ITGA7: variants seen among roughly 807,000 people sequenced by gnomAD.
The protein encoded by ITGA7 is integrin alpha-7.
In ITGA7, 84 loss-of-function variants were observed where a neutral mutation model predicts 131.6. That is an observed-to-expected ratio of 0.64 (90% confidence interval 0.54 to 0.77). The LOEUF is 0.77. ITGA7 is among the 30% of genes least tolerant of loss of function. ITGA7 has a pLI of 0.00. For synonymous variants in ITGA7, 548 were observed against 600.7 expected (o/e 0.91, Z 1.28); for missense variants, 1,399 against 1,482.9 (o/e 0.94, Z 0.93).
At chr12:55,695,192 A>G (rs1237895944) in intron 14 of ITGA7, 17 of 605,624 alleles carry the variant, frequency 2.8e-5, no homozygotes, top group Non-Finnish European at 4.7e-5. Flanking sequence ...TGGCCAAGTA[A>G]CTTAACCTCT....
In ITGA7 at chr12:55,685,271, C is replaced by A; in HGVS notation, c.3201G>T (p.Arg1067=). The A allele has an allele frequency of 1.2e-6, 2 of 1,614,152 alleles. No individual in the cohort carries two copies. Among genetic ancestry groups the A allele is most frequent in the Non-Finnish European group, 1.7e-6 (2 of 1,180,034 alleles). ...LLLWKMGFFK[R]AKHPEATVPQ... ...GCACGGTGGCCTCGGGGTGCTTCGCCCGTTTGAAGAATCCCATCTATAAGG... is the reference window on the plus strand; with the variant it reads ...GCACGGTGGCCTCGGGGTGCTTCGCACGTTTGAAGAATCCCATCTATAAGG... Residue 1067 remains arginine (R), a synonymous_variant, in exon 25 of 25, where the codon CGG becomes CGT. Transcript: ENST00000257879.
rs1565627790 is a variant in ITGA7, at chr12:55,697,286, GC to G, written c.1506-10del. 6.3e-7 allele frequency: 1 copy of G among 1,590,480 alleles called. No homozygotes were observed. The highest frequency in any genetic ancestry group is 8.6e-7 in the Non-Finnish European group (1 of 1,168,490). On this transcript the variant is annotated splice_polypyrimidine_tract_variant and intron_variant, in intron 10 of 24. Transcript: ENST00000257879. ...AGACCCTTAGGTCCACACTGCGGGG[GC>G]AAAGGTGGCTCCTGAGCCAAACGAG...
Position 55,685,174 on chromosome 12 carries a change from G to T in ITGA7, c.3298C>A (p.Leu1100Met), listed in dbSNP as rs750145019. 1 of 1,614,160 alleles carries T rather than the reference G, an allele frequency of 6.2e-7. No individual in the cohort carries two copies. The highest frequency in any genetic ancestry group is 1.7e-5 in the Admixed American group (1 of 60,032). ...QFKEEKTGTI[L>M]RNNWGSPRRE... ...CGGGGGCTGCCCCAGTTGTTCCTCA[G>T]GATGGTGCCCGTCTTCTCCTCCTTG... Residue 1100 changes from leucine to methionine, a missense_variant, in exon 25 of 25, where the codon CTG (leucine) becomes ATG (methionine). Coordinates refer to ENST00000257879, the MANE Select transcript of ITGA7 (RefSeq NM_002206.3).
At chr12:55,689,149 A>G (rs1469801520) in intron 21 of ITGA7, among the ~76,000 whole-genome samples, 192 bp from the exon 22 acceptor site, 1 of 152,226 alleles carries the variant, frequency 6.6e-6, no homozygotes, top group Non-Finnish European at 1.5e-5. Flanking sequence ...AGGGGGCAGC[A>G]TGGAAGGGAA....
chr12:55,712,175 T>TG, upstream of ITGA7: 1 of 1,551,384 alleles, frequency 6.4e-7, no homozygotes. Flanking sequence ...GGGAATTCAG[T>TG]GGGGAAACAG....
intron 22 of ITGA7, among the ~76,000 whole-genome samples, chr12:55,688,556 C>A (rs1280150332): frequency 6.6e-6 from 1 of 152,050 alleles, no homozygotes; most frequent in Non-Finnish European, 1.5e-5. Context: ...AAAACCCCGT[C>A]TCTATGAAAA....
chr12:55,698,994 C>T, intron 5 of ITGA7, 77 bp from the exon 6 acceptor site: 2 of 1,338,580 alleles, frequency 1.5e-6, no homozygotes, highest in South Asian at 2.5e-5. Context: ...TCCCCCAGCC[C>T]CTGCCCCCTC....
In ITGA7 at chr12:55,696,560, G is replaced by T. The variant is rs1872668755; in HGVS notation, c.1738-128C>A. The T allele has an allele frequency of 1.5e-5, 16 of 1,075,484 alleles. No homozygotes were observed. In the South Asian group the frequency reaches 2.2e-4, roughly 15 times the overall value. The allele number at this position is 1,075,484 out of a possible 1,614,324, so 66.6% of individuals were successfully genotyped here. A position where few individuals can be genotyped will look rare whatever the true frequency, so the allele number is the denominator to read the frequency against. ...TATTAGGGAGATGAATGAGAGAGGT[G>T]GAGAACTGAGCAAGGAGGAGGGAGA... On this transcript the variant is annotated intron_variant, in intron 12 of 24. Coordinates refer to ENST00000257879, the MANE Select transcript of ITGA7 (RefSeq NM_002206.3).
chr12:55,698,616 G>T (rs776874051), intron 6 of ITGA7, 40 bp from the exon 7 acceptor site: 1 of 1,612,692 alleles, frequency 6.2e-7, no homozygotes, highest in African/African-American at 1.3e-5. Flanking sequence ...GTCCTCCCTG[G>T]CCAGAGGAGC....
chr12:55,708,780 C>G (rs761404844), upstream of ITGA7, among the ~76,000 whole-genome samples: 1 of 152,158 alleles, frequency 6.6e-6, no homozygotes, highest in Non-Finnish European at 1.5e-5. Flanking sequence ...CTGCACATTT[C>G]CTATCCATGA....
intron 21 of ITGA7, among the ~76,000 whole-genome samples, chr12:55,692,566 T>C (rs980162207): frequency 6.6e-6 from 1 of 152,216 alleles, no homozygotes; most frequent in African/African-American, 2.4e-5. Flanking sequence ...CCATCACGTA[T>C]AAAATGTAAT....
At chr12:55,697,909 C>T (rs1016160810) in intron 8 of ITGA7, 29 bp downstream of exon 8, 2 of 1,613,992 alleles carry the variant, frequency 1.2e-6, no homozygotes, top group Non-Finnish European at 1.7e-6. Context: ...CACCCACACC[C>T]ATTCCCTCAT....
chr12:55,697,498 T>C lies in ITGA7; in HGVS notation c.1458A>G (p.Arg486=). 6.2e-7 allele frequency: 1 copy of C among 1,614,084 alleles called. No homozygotes were observed. Among genetic ancestry groups the C allele is most frequent in the Non-Finnish European group, 8.5e-7 (1 of 1,180,018 alleles). Residue 486 remains arginine (R), a synonymous_variant, in exon 10 of 25, where the codon CGA becomes CGG. Coordinates refer to ENST00000257879, the MANE Select transcript of ITGA7 (RefSeq NM_002206.3). Reference sequence around the variant, plus strand: ...AGTTGGGCTGCTCCAGGTCGATGCTTCGTGGAGCAATAGAGACCTCATGGG... The same window carrying C: ...AGTTGGGCTGCTCCAGGTCGATGCTCCGTGGAGCAATAGAGACCTCATGGG... ...HVSHEVSIAP[R]SIDLEQPNCA...
intron 1 of ITGA7, 146 bp from the exon 2 acceptor site, chr12:55,703,324 A>G (rs903230837): frequency 1.7e-5 from 15 of 884,866 alleles, no homozygotes; most frequent in Non-Finnish European, 2.4e-5. Context: ...AGTTTTCTCA[A>G]ACCCTGGCAA....
chr12:55,696,206 T>G, intron 13 of ITGA7, 77 bp downstream of exon 13: 1 of 1,448,646 alleles, frequency 6.9e-7, no homozygotes, highest in Admixed American at 2.0e-5. Flanking sequence ...GAGCTGTGAA[T>G]TGGTGTCACT....
chr12:55,705,193 C>T (rs1288756692), intron 1 of ITGA7, among the ~76,000 whole-genome samples: 14 of 151,926 alleles, frequency 9.2e-5, no homozygotes, highest in Admixed American at 7.2e-4. Flanking sequence ...ATGCCCAGTC[C>T]GCTCTTGGTG....
intron 14 of ITGA7, chr12:55,695,240 A>G (rs2136006310): frequency 5.0e-6 from 3 of 598,106 alleles, no homozygotes; most frequent in East Asian, 5.6e-5. Context: ...TGAGACTAAT[A>G]TAATTCCTAC....
chr12:55,688,750 G>T, intron 22 of ITGA7, 94 bp downstream of exon 22: 1 of 929,114 alleles, frequency 1.1e-6, no homozygotes, highest in Non-Finnish European at 1.8e-6. Flanking sequence ...GGGGGATGCT[G>T]CATTTGGACA....
At position 55,706,910 on chromosome 12, in the gene ITGA7, C is replaced by T. The variant is rs4083203; in HGVS notation, c.206+567G>A. Among the ~76,000 whole-genome samples, 134 of 152,334 alleles carry T rather than the reference C, an allele frequency of 8.8e-4. 5 individuals are homozygous for T. In the South Asian group the frequency reaches 0.027, roughly 30 times the overall value. On this transcript the variant is annotated intron_variant, in intron 1 of 24. Coordinates refer to ENST00000257879, the MANE Select transcript of ITGA7 (RefSeq NM_002206.3). ...AAGCCACCTACTGCAGGTTGGCAGA[C>T]CTGCAGATCCTCTCCCAATCTTCCC...
Sources: gnomAD v4.1 joint callset for allele counts (sites outside exome capture counted in the v4.1 genomes callset) on GRCh38, gnomAD v4.1.1 for gene constraint, MANE v1.5 for transcripts, NCBI Gene and HGNC (gene_info 2026-07-23, HGNC 2026-07-21) for gene names.